NALCN: variants seen among roughly 807,000 people sequenced by gnomAD.
NALCN encodes sodium leak channel, non-selective.
Under a neutral mutation model 225.3 loss-of-function variants are expected in NALCN, and 111 were observed. The ratio of observed to expected loss-of-function variants is 0.49; its 90% CI spans 0.42 to 0.58. The LOEUF (loss-of-function observed/expected upper bound fraction) is 0.58. NALCN is among the 20% of genes least tolerant of loss of function. NALCN has a pLI of 0.00. For missense variants in NALCN, 1,378 were observed against 2,202.4 expected (o/e 0.63, Z 7.49); for synonymous variants, 764 against 769.0 (o/e 0.99, Z 0.11).
At chr13:101,145,870 G>A (rs968185130) in intron 15 of NALCN, among the ~76,000 whole-genome samples, 1 of 152,100 alleles carries the variant, frequency 6.6e-6, no homozygotes. Context: ...GAGGGATTTG[G>A]GGGGTGGGTT....
At position 101,143,194 on chromosome 13, in the gene NALCN, G is replaced by A; in HGVS notation, c.2004C>T (p.Asp668=). The A allele has an allele frequency of 1.2e-6, 2 of 1,611,250 alleles. No individual in the cohort carries two copies. The highest frequency in any genetic ancestry group is 1.7e-6 in the Non-Finnish European group (2 of 1,178,780). The change falls in exon 17 of 44, where the codon GAC becomes GAT. Residue 668 remains aspartate (D), a synonymous_variant. Transcript: ENST00000251127. ...IRESFMKQFI[D]RQQQDTCCLL... is the part of the protein sequence containing the mutation. The stretch of plus-strand genomic sequence containing the variant: ...GGCAACATGTGTCCTGTTGCTGGCG[G>A]TCAATAAACTGCTTCATAAAACTCT...
At chr13:101,330,068 A>C (rs535673355) in intron 7 of NALCN, among the ~76,000 whole-genome samples, 6 of 149,942 alleles carry the variant, frequency 4.0e-5, no homozygotes, top group Admixed American at 1.3e-4. Flanking sequence ...ATATATACAT[A>C]TATATAATGT....
intron 3 of NALCN, among the ~76,000 whole-genome samples, chr13:101,384,024 T>C (rs2046919740): frequency 6.6e-6 from 1 of 152,224 alleles, no homozygotes; most frequent in African/African-American, 2.4e-5. Flanking sequence ...GATTATGTTT[T>C]GTATCTGGCA....
intron 6 of NALCN, among the ~76,000 whole-genome samples, chr13:101,364,358 A>G (rs975896689): frequency 1.3e-4 from 20 of 152,136 alleles, no homozygotes; most frequent in Non-Finnish European, 2.6e-4. Context: ...AGAAAATGTG[A>G]TATGTATATA....
intron 7 of NALCN, among the ~76,000 whole-genome samples, chr13:101,334,650 C>T (rs773228958): frequency 2.0e-5 from 3 of 152,074 alleles, no homozygotes; most frequent in South Asian, 2.1e-4. Context: ...AAAAGTAAAC[C>T]GCCAGCTATC....
intron 13 of NALCN, among the ~76,000 whole-genome samples, chr13:101,202,283 G>A (rs773998055): frequency 3.6e-4 from 55 of 152,188 alleles, no homozygotes; most frequent in Non-Finnish European, 6.9e-4. Context: ...CATAACTGAC[G>A]GGATGAAGAT....
intron 1 of NALCN, among the ~76,000 whole-genome samples, chr13:101,411,392 G>A (rs111776273): frequency 0.09 from 13,306 of 148,496 alleles, 589 homozygotes; most frequent in East Asian, 0.11. Flanking sequence ...CGCCCAGGCT[G>A]GAGTGTAATG....
intron 17 of NALCN, among the ~76,000 whole-genome samples, chr13:101,125,010 G>A (rs1316401914): frequency 6.6e-6 from 1 of 152,100 alleles, no homozygotes; most frequent in Non-Finnish European, 1.5e-5. Flanking sequence ...TTAGCGCAAT[G>A]TTCTCTAATC....
intron 43 of NALCN, among the ~76,000 whole-genome samples, 169 bp from the exon 44 acceptor site, chr13:101,055,657 A>ATT (rs138944235): frequency 1.1e-4 from 16 of 150,442 alleles, no homozygotes; most frequent in Admixed American, 8.6e-4. Context: ...TTCACGATAG[A>ATT]TTTTTTTTTT....
chr13:101,195,420 G>A (rs945554797), intron 13 of NALCN, among the ~76,000 whole-genome samples: 1 of 152,084 alleles, frequency 6.6e-6, no homozygotes, highest in Admixed American at 6.6e-5. Flanking sequence ...TTCCTTTTAA[G>A]TGTTTTTATT....
chr13:101,207,702 T>C (rs2040365586), intron 13 of NALCN, among the ~76,000 whole-genome samples: 1 of 149,926 alleles, frequency 6.7e-6, no homozygotes, highest in Non-Finnish European at 1.5e-5. Flanking sequence ...CTCTGTAAAA[T>C]GGACCAATCA....
chr13:101,211,923 T>A (rs1157039453), intron 13 of NALCN, among the ~76,000 whole-genome samples: 1 of 151,922 alleles, frequency 6.6e-6, no homozygotes, highest in South Asian at 2.1e-4. Flanking sequence ...TACCTCCTCA[T>A]AGAAATAACA....
Position 101,107,692 on chromosome 13 carries a change from C to T in NALCN, c.2456+6G>A, listed in dbSNP as rs772363976. The T allele has an allele frequency of 6.2e-7, 1 of 1,613,834 alleles. No homozygotes were observed. The highest frequency in any genetic ancestry group is 1.3e-5 in the African/African-American group (1 of 74,894). ...GAGAGCCATGGGACACTGCAGCAAC[C>T]TGTACCTTTTCATCTCTGCTTGCTC... On this transcript the variant is annotated splice_donor_region_variant and intron_variant, in intron 21 of 43. Transcript: ENST00000251127.
intron 11 of NALCN, among the ~76,000 whole-genome samples, chr13:101,253,544 A>C (rs2042124329): frequency 1.3e-5 from 2 of 152,208 alleles, no homozygotes; most frequent in African/African-American, 4.8e-5. Flanking sequence ...TGAGACAATG[A>C]ATTCTTTTAA....
Position 101,060,338 on chromosome 13 carries a change from C to T in NALCN, c.4756-371G>A, listed in dbSNP as rs373032003. 5.5e-4 allele frequency among the ~76,000 whole-genome samples: 66 copies of T among 120,742 alleles called. 2 individuals are homozygous for T. The highest frequency in any genetic ancestry group is 1.8e-3 in the African/African-American group (57 of 31,052). The allele number at this position is 120,742 out of a possible 152,430, so 79.2% of individuals were successfully genotyped here. ...TCCCGTAGACTAGAGTTCAGTGGTGCGATTATTATAGCTCACTGTAACCTT... is the reference window on the plus strand; with the variant it reads ...TCCCGTAGACTAGAGTTCAGTGGTGTGATTATTATAGCTCACTGTAACCTT... On this transcript the variant is annotated intron_variant, in intron 41 of 43. Coordinates refer to ENST00000251127, the MANE Select transcript of NALCN (RefSeq NM_052867.4).
At chr13:101,317,771 C>A (rs527933523) in intron 7 of NALCN, among the ~76,000 whole-genome samples, 1 of 152,336 alleles carries the variant, frequency 6.6e-6, no homozygotes, top group African/African-American at 2.4e-5. Context: ...GTTTCCTCAC[C>A]AGTGGCTCAT....
Position 101,284,095 on chromosome 13 carries a change from A to G in NALCN, c.1048-76T>C, listed in dbSNP as rs141733556. On this transcript the variant is annotated intron_variant, in intron 9 of 43. Coordinates refer to ENST00000251127, the MANE Select transcript of NALCN (RefSeq NM_052867.4). The stretch of plus-strand genomic sequence containing the variant: ...GAGAACTCTATGTCTCCAGCTTTGT[A>G]TATTTTTATGTTATCAAAAATTTGT... 2.9e-4 allele frequency: 363 copies of G among 1,257,478 alleles called. 4 individuals carry two copies. The Admixed American group carries it at 7.8e-3, about 27-fold the overall frequency. 77.9% of individuals were successfully genotyped at this position (1,257,478 alleles called of 1,614,324 possible).
chr13:101,079,299 G>A (rs950193757), intron 34 of NALCN, among the ~76,000 whole-genome samples: 1 of 152,174 alleles, frequency 6.6e-6, no homozygotes, highest in African/African-American at 2.4e-5. Flanking sequence ...TGGAAGTAAT[G>A]ACAACCAATA....
chr13:101,158,780 C>T (rs1315787444), intron 15 of NALCN, among the ~76,000 whole-genome samples: 4 of 152,202 alleles, frequency 2.6e-5, no homozygotes, highest in East Asian at 1.9e-4. Context: ...ACAAGTGATT[C>T]TCTGGAAGTC....
Sources: allele counts gnomAD v4.1 joint callset (sites outside exome capture counted in the v4.1 genomes callset), GRCh38; gene constraint gnomAD v4.1.1; transcripts MANE v1.5; gene names NCBI Gene and HGNC (gene_info 2026-07-23, HGNC 2026-07-21).